Variants in MACROD2 observed in about 807,000 individuals in gnomAD.
The protein encoded by MACROD2 is mono-ADP ribosylhydrolase 2, also known as ADP-ribose glycohydrolase MACROD2.
MACROD2 carries 36 observed loss-of-function variants against 70.4 expected under a neutral mutation model. The ratio of observed to expected loss-of-function variants is 0.51; its 90% CI spans 0.39 to 0.68. MACROD2 has a LOEUF of 0.68. MACROD2 is among the 30% of genes least tolerant of loss of function. The pLI, the probability that MACROD2 is intolerant of heterozygous loss-of-function variation, is 0.00. For synonymous variants in MACROD2, 172 were observed against 178.8 expected (o/e 0.96, Z 0.30); for missense variants, 496 against 538.4 (o/e 0.92, Z 0.78).
At chr20:15,632,709 T>C (rs954203327) in intron 8 of MACROD2, among the ~76,000 whole-genome samples, 1 of 152,198 alleles carries the variant, frequency 6.6e-6, no homozygotes, top group Non-Finnish European at 1.5e-5. Flanking sequence ...CATCTTAGAA[T>C]GGGGTCTGTC....
intron 8 of MACROD2, among the ~76,000 whole-genome samples, chr20:15,591,436 C>T (rs1345088964): frequency 6.6e-6 from 1 of 152,116 alleles, no homozygotes; most frequent in Non-Finnish European, 1.5e-5. Flanking sequence ...AAGAACCTGA[C>T]ATGACACCTA....
chr20:15,441,623 AAAC>A (rs1443506463), intron 7 of MACROD2, among the ~76,000 whole-genome samples: 2 of 152,110 alleles, frequency 1.3e-5, no homozygotes, highest in East Asian at 1.9e-4. Context: ...TTAAAAAAGA[AAAC>A]AAAAATTAAA....
chr20:14,023,274 A>T (rs1342337530), intron 2 of MACROD2, among the ~76,000 whole-genome samples: 1 of 152,142 alleles, frequency 6.6e-6, no homozygotes, highest in African/African-American at 2.4e-5. Flanking sequence ...AATTTGTTTA[A>T]GTTCCTTGTA....
intron 5 of MACROD2, among the ~76,000 whole-genome samples, chr20:15,006,149 G>GTA (rs1336742014): frequency 6.7e-6 from 1 of 149,048 alleles, no homozygotes; most frequent in Non-Finnish European, 1.5e-5. Flanking sequence ...ATATGTGTGT[G>GTA]TGTGTGTGTG....
intron 3 of MACROD2, among the ~76,000 whole-genome samples, chr20:14,339,677 G>T (rs1255899781): frequency 6.6e-6 from 1 of 152,170 alleles, no homozygotes; most frequent in Non-Finnish European, 1.5e-5. Context: ...ATTGTTATAT[G>T]ACTTCATATT....
At chr20:14,505,432 C>A (rs1365162500) in intron 4 of MACROD2, among the ~76,000 whole-genome samples, 1 of 152,142 alleles carries the variant, frequency 6.6e-6, no homozygotes, top group Non-Finnish European at 1.5e-5. Flanking sequence ...AATCTTTATA[C>A]CCAAACGCCA....
At chr20:15,687,261 T>A (rs1304644311) in intron 8 of MACROD2, among the ~76,000 whole-genome samples, 2 of 149,304 alleles carry the variant, frequency 1.3e-5, no homozygotes, top group Admixed American at 6.7e-5. Flanking sequence ...AAAAGATCAC[T>A]GTGAGTATTG....
rs374358408 is a variant in MACROD2 at position 14,456,881 on chromosome 20, C to T, written c.272-36598C>T. Among the ~76,000 whole-genome samples, 555 of 150,732 alleles carry T rather than the reference C, an allele frequency of 3.7e-3. 9 individuals are homozygous for T. The highest frequency in any genetic ancestry group is 0.013 in the African/African-American group (527 of 40,304). On this transcript the variant is annotated intron_variant, in intron 3 of 17. Coordinates refer to ENST00000684519, the MANE Select transcript of MACROD2 (RefSeq NM_001351661.2). ...ACAGGTGCCCACCACCACGCCCGGCCAACTTTTTTGTATTTTTAGTAGAGA... is the reference window on the plus strand; with the variant it reads ...ACAGGTGCCCACCACCACGCCCGGCTAACTTTTTTGTATTTTTAGTAGAGA...
chr20:14,937,814 A>G (rs577683357), intron 5 of MACROD2, among the ~76,000 whole-genome samples: 35 of 152,158 alleles, frequency 2.3e-4, no homozygotes, highest in African/African-American at 8.2e-4. Context: ...GTACCCATTA[A>G]TCAGGCTCTA....
intron 8 of MACROD2, among the ~76,000 whole-genome samples, chr20:15,727,608 T>C (rs1568995908): frequency 6.6e-6 from 1 of 152,138 alleles, no homozygotes; most frequent in Non-Finnish European, 1.5e-5. Flanking sequence ...TTGTCTCTGA[T>C]TTCTTTGAGG....
At chr20:15,780,900 A>C (rs1444609601) in intron 8 of MACROD2, among the ~76,000 whole-genome samples, 1 of 152,042 alleles carries the variant, frequency 6.6e-6, no homozygotes, top group Non-Finnish European at 1.5e-5. Flanking sequence ...TGGTGACATT[A>C]TTTACTGAGA....
chr20:14,438,373 C>G (rs1215630860), intron 3 of MACROD2, among the ~76,000 whole-genome samples: 1 of 152,198 alleles, frequency 6.6e-6, no homozygotes, highest in African/African-American at 2.4e-5. Context: ...CTGCTGTGAA[C>G]ATGGAAGTGC....
intron 4 of MACROD2, among the ~76,000 whole-genome samples, chr20:14,649,508 G>A (rs1341836774): frequency 1.3e-5 from 2 of 152,172 alleles, no homozygotes; most frequent in Non-Finnish European, 2.9e-5. Context: ...AGCTCCCGAA[G>A]AGGAGTTTGC....
chr20:14,093,590 A>G (rs1242791906), intron 3 of MACROD2, among the ~76,000 whole-genome samples: 1 of 152,090 alleles, frequency 6.6e-6, no homozygotes, highest in African/African-American at 2.4e-5. Flanking sequence ...ATTTTGGTAC[A>G]TATGCTTAGC....
chr20:15,882,879 C>T (rs6043593), intron 9 of MACROD2, among the ~76,000 whole-genome samples: 25,806 of 151,930 alleles, frequency 0.17, 3,151 homozygotes, highest in East Asian at 0.52. Flanking sequence ...GTTCAAATAT[C>T]AGCTTCAGTG....
chr20:14,436,088 C>CT (rs2084053118), intron 3 of MACROD2, among the ~76,000 whole-genome samples: 1 of 152,050 alleles, frequency 6.6e-6, no homozygotes, highest in Non-Finnish European at 1.5e-5. Flanking sequence ...ACAAAGCAAT[C>CT]TTTTCCATTC....
At chr20:15,118,522 A>G (rs1172010228) in intron 5 of MACROD2, among the ~76,000 whole-genome samples, 1 of 152,032 alleles carries the variant, frequency 6.6e-6, no homozygotes, top group East Asian at 1.9e-4. Context: ...CCTATTACTG[A>G]TTGGACTTTC....
At chr20:14,674,981 T>G (rs1768303839) in intron 4 of MACROD2, among the ~76,000 whole-genome samples, 1 of 152,296 alleles carries the variant, frequency 6.6e-6, no homozygotes, top group African/African-American at 2.4e-5. Context: ...AATCTCCCTG[T>G]GAAAATCCAA....
intron 7 of MACROD2, among the ~76,000 whole-genome samples, chr20:15,454,406 AACACACACACACACACACACACAC>A (rs10523169): frequency 1.1e-4 from 15 of 137,532 alleles, no homozygotes; most frequent in Non-Finnish European, 1.5e-4. Context: ...GACATATTCA[AACACACACACACACACACACACAC>A]ACACACACAC....
Sources: allele counts gnomAD v4.1 joint callset (sites outside exome capture counted in the v4.1 genomes callset), GRCh38; gene constraint gnomAD v4.1.1; transcripts MANE v1.5; gene names NCBI Gene and HGNC (gene_info 2026-07-23, HGNC 2026-07-21).